DOCK7: variants seen among roughly 807,000 people sequenced by gnomAD.
DOCK7 encodes dedicator of cytokinesis protein 7.
Under a neutral mutation model 271.0 loss-of-function variants are expected in DOCK7, and 138 were observed. The observed-to-expected ratio is 0.51, with a 90% CI of 0.44 to 0.59. The LOEUF (loss-of-function observed/expected upper bound fraction) is 0.59, where lower values mean the gene tolerates loss of function less well. DOCK7 is among the 20% of genes least tolerant of loss of function. DOCK7 has a pLI of 0.00. For synonymous variants in DOCK7, 823 were observed against 876.1 expected (o/e 0.94, Z 1.07); for missense variants, 2,066 against 2,592.4 (o/e 0.80, Z 4.41).
intron 23 of DOCK7, among the ~76,000 whole-genome samples, chr1:62,544,197 T>C (rs375054590): frequency 6.6e-6 from 1 of 152,194 alleles, no homozygotes; most frequent in African/African-American, 2.4e-5. Context: ...CTATTCAGGT[T>C]TGTCATATAC....
chr1:62,645,412 A>T (rs1006489865), intron 7 of DOCK7, among the ~76,000 whole-genome samples: 11 of 145,702 alleles, frequency 7.5e-5, no homozygotes, highest in African/African-American at 1.5e-4. Flanking sequence ...AACTAAGTTT[A>T]AAAAAAAAAA....
intron 11 of DOCK7, among the ~76,000 whole-genome samples, chr1:62,629,876 C>T (rs1490524968): frequency 6.6e-6 from 1 of 152,190 alleles, no homozygotes; most frequent in African/African-American, 2.4e-5. Context: ...CAAAACACTT[C>T]TAATATTAAA....
intron 17 of DOCK7, 47 bp downstream of exon 17, chr1:62,578,781 C>A (rs150359588): frequency 1.4e-6 from 2 of 1,380,732 alleles, no homozygotes; most frequent in South Asian, 1.4e-5. Flanking sequence ...TTAAATATCA[C>A]CATTATTTTA....
intron 14 of DOCK7, among the ~76,000 whole-genome samples, chr1:62,610,091 C>T (rs920381503): frequency 1.1e-4 from 17 of 152,228 alleles, no homozygotes; most frequent in African/African-American, 3.6e-4. Context: ...CCTCGTGATC[C>T]GCCTTCCTCG....
intron 2 of DOCK7, among the ~76,000 whole-genome samples, chr1:62,657,982 G>A (rs553930658): frequency 2.0e-5 from 3 of 151,998 alleles, no homozygotes; most frequent in Non-Finnish European, 4.4e-5. Context: ...TGAGAAAAAA[G>A]AAGGCAGGGC....
intron 14 of DOCK7, chr1:62,598,925 C>A: frequency 1.4e-6 from 1 of 691,850 alleles, no homozygotes; most frequent in South Asian, 1.7e-5. Context: ...ATCAGCATAA[C>A]TGTTAAAATT....
intron 1 of DOCK7, 140 bp from the exon 2 acceptor site, chr1:62,663,270 C>T (rs1023702345): frequency 2.0e-5 from 13 of 645,028 alleles, no homozygotes; most frequent in East Asian, 5.5e-5. Flanking sequence ...GCTAGAAATT[C>T]GTAAAATATT....
At chr1:62,553,346 ATATATATATTTTTTTTTTT>A (rs1363689621) in intron 21 of DOCK7, among the ~76,000 whole-genome samples, 133 of 24,346 alleles carry the variant, frequency 5.5e-3, no homozygotes, top group East Asian at 9.2e-3. Context: ...ATATATATAT[ATATATATATTTTTTTTTTT>A]TTTTTTTTTT....
intron 2 of DOCK7, among the ~76,000 whole-genome samples, chr1:62,655,132 C>T (rs574304140): frequency 1.3e-5 from 2 of 152,274 alleles, no homozygotes; most frequent in East Asian, 1.9e-4. Flanking sequence ...TAAAACTACC[C>T]ATTAATAATA....
At chr1:62,637,690 GACATTT>G (rs1027724114) in intron 7 of DOCK7, among the ~76,000 whole-genome samples, 1 of 152,188 alleles carries the variant, frequency 6.6e-6, no homozygotes, top group African/African-American at 2.4e-5. Context: ...TTAATAAAGG[GACATTT>G]ACAAGGATTT....
At chr1:62,487,441 G>C in intron 42 of DOCK7, 29 bp from the exon 43 acceptor site, 1 of 1,607,882 alleles carries the variant, frequency 6.2e-7, no homozygotes, top group Non-Finnish European at 8.5e-7. Flanking sequence ...AAAAGGGCAA[G>C]TCATAAAAAA....
chr1:62,547,488 C>T (rs1350863233), intron 22 of DOCK7, among the ~76,000 whole-genome samples: 1 of 152,098 alleles, frequency 6.6e-6, no homozygotes, highest in African/African-American at 2.4e-5. Flanking sequence ...GAGCAAGGCC[C>T]ATACTGTATT....
intron 48 of DOCK7, among the ~76,000 whole-genome samples, chr1:62,459,956 C>A (rs753053215): frequency 6.6e-6 from 1 of 151,808 alleles, no homozygotes; most frequent in Non-Finnish European, 1.5e-5. Flanking sequence ...AAAAAATTAG[C>A]CAGGTGTGGT....
chr1:62,487,485 CA>C, intron 42 of DOCK7, 73 bp from the exon 43 acceptor site: 1 of 1,335,190 alleles, frequency 7.5e-7, no homozygotes, highest in Non-Finnish European at 1.1e-6. Context: ...CCAAAGGCAC[CA>C]TATACCATAA....
At chr1:62,465,076 T>G (rs1332473653) in intron 48 of DOCK7, among the ~76,000 whole-genome samples, 7 of 152,196 alleles carry the variant, frequency 4.6e-5, no homozygotes, top group African/African-American at 1.4e-4. Context: ...TAAAGATACA[T>G]TAAGTCACAA....
chr1:62,676,774 ACAGGGCAAAC>A (rs1660588450), intron 1 of DOCK7, among the ~76,000 whole-genome samples: 1 of 152,224 alleles, frequency 6.6e-6, no homozygotes, highest in Admixed American at 6.5e-5. Flanking sequence ...TTCTGGTGTC[ACAGGGCAAAC>A]CAGGAACAGC....
intron 15 of DOCK7, chr1:62,584,769 A>T (rs982032125): frequency 1.3e-6 from 1 of 775,904 alleles, no homozygotes; most frequent in Non-Finnish European, 2.3e-6. Flanking sequence ...AAATTAAGAA[A>T]TATAGAATCA....
chr1:62,662,717 C>T (rs938520051), intron 2 of DOCK7, among the ~76,000 whole-genome samples: 8 of 151,998 alleles, frequency 5.3e-5, no homozygotes, highest in African/African-American at 1.5e-4. Context: ...GCCGAGAACG[C>T]GCCACTGCAC....
chr1:62,459,646 C>A (rs75051339), intron 48 of DOCK7, among the ~76,000 whole-genome samples: 2 of 151,728 alleles, frequency 1.3e-5, no homozygotes, highest in African/African-American at 2.4e-5. Context: ...TATAATTTAG[C>A]AAAACAGACT....
Sources: allele counts gnomAD v4.1 joint callset (sites outside exome capture counted in the v4.1 genomes callset), GRCh38; gene constraint gnomAD v4.1.1; transcripts MANE v1.5; gene names NCBI Gene and HGNC (gene_info 2026-07-23, HGNC 2026-07-21).